PWWP3A: variants seen among roughly 807,000 people sequenced by gnomAD.
The protein encoded by PWWP3A is PWWP domain-containing DNA repair factor 3A.
In PWWP3A, 53 loss-of-function variants were observed where a neutral mutation model predicts 79.0. That is an observed-to-expected ratio of 0.67 (90% confidence interval 0.54 to 0.84). The LOEUF (loss-of-function observed/expected upper bound fraction) is 0.84. Among genes scored for constraint, PWWP3A ranks in the 40% least tolerant of loss-of-function variants. The pLI, the probability that PWWP3A is intolerant of heterozygous loss-of-function variation, is 0.00. For missense variants in PWWP3A, 973 were observed against 948.0 expected (o/e 1.03, Z -0.35); for synonymous variants, 443 against 394.4 (o/e 1.12, Z -1.46).
At position 1,377,646 on chromosome 19, in the gene PWWP3A, C is replaced by A. The variant is rs1187491571; in HGVS notation, c.*1070C>A. The A allele has an allele frequency of 6.6e-6, 1 of 152,364 alleles. No homozygotes were observed. The allele number at this position is 152,364 out of a possible 1,614,324, so 9.4% of individuals were successfully genotyped here. On this transcript the variant is annotated 3_prime_UTR_variant, in exon 14 of 14. Transcript: ENST00000591337. ...GCAGGGTCAGACGTGCTGTTAAGAG[C>A]AAAGCCACAGACGATGACTTGTCCA... is the stretch of plus-strand genomic sequence containing the variant.
At chr19:1,366,975 C>T (rs1313186148) in intron 8 of PWWP3A, among the ~76,000 whole-genome samples, 185 bp from the exon 9 acceptor site, 1 of 152,324 alleles carries the variant, frequency 6.6e-6, no homozygotes, top group East Asian at 1.9e-4. Context: ...TTGCTGAAGT[C>T]ACTGGACCCA....
chr19:1,361,134 A>G, intron 5 of PWWP3A, 102 bp downstream of exon 5: 3 of 1,209,864 alleles, frequency 2.5e-6, no homozygotes, highest in Non-Finnish European at 3.2e-6. Flanking sequence ...CCAGATTTTA[A>G]TGAGATCGTT....
intron 4 of PWWP3A, chr19:1,358,920 A>G (rs981386594): frequency 2.3e-5 from 8 of 354,302 alleles, no homozygotes; most frequent in African/African-American, 4.2e-5. Context: ...AAGGGAGAGA[A>G]CGGGTGGCCT....
At position 1,376,670 on chromosome 19, in the gene PWWP3A, G is replaced by T; in HGVS notation, c.*94G>T. ...TGAAGATGGGGGGCTCAGGGGGCAC[G>T]TTTGCGTTTGGACCTGTCTGTGCGT... On this transcript the variant is annotated 3_prime_UTR_variant, in exon 14 of 14. Transcript: ENST00000591337. 1.6e-6 allele frequency: 2 copies of T among 1,258,514 alleles called. No individual in the cohort carries two copies. The highest frequency in any genetic ancestry group is 2.3e-6 in the Non-Finnish European group (2 of 872,404). 78.0% of individuals were successfully genotyped at this position (1,258,514 alleles called of 1,614,324 possible).
intron 13 of PWWP3A, 161 bp downstream of exon 13, chr19:1,373,321 CCT>C (rs1225999671): frequency 1.6e-6 from 1 of 642,882 alleles, no homozygotes; most frequent in African/African-American, 1.8e-5. Context: ...CTGAACTCAC[CCT>C]GTGGGTCACT....
At chr19:1,359,061 C>T (rs996318629) in intron 4 of PWWP3A, 40 of 255,578 alleles carry the variant, frequency 1.6e-4, no homozygotes, top group African/African-American at 8.5e-4. Context: ...TAGCACCCAC[C>T]TCCTTTGCAC....
intron 13 of PWWP3A, among the ~76,000 whole-genome samples, chr19:1,376,291 G>GTTTTTTTTT (rs1350699607): frequency 3.7e-4 from 19 of 50,854 alleles, no homozygotes; most frequent in South Asian, 6.9e-4. Flanking sequence ...ACGCCCGGCT[G>GTTTTTTTTT]TTTGTTTTTT....
rs1251353514 is a variant in PWWP3A at position 1,368,785 on chromosome 19, G to A, written c.1423-480G>A. The stretch of plus-strand genomic sequence containing the variant: ...TCCAGGACTTGATGTCCTGTCATGT[G>A]GCACAGTGGCCACAGGGGAGGTGTT... On this transcript the variant is annotated intron_variant, in intron 9 of 13. Coordinates refer to ENST00000591337, the MANE Select transcript of PWWP3A (RefSeq NM_001369789.1). The surrounding 1 kb of genome is among the most constrained non-coding windows in gnomAD (Gnocchi z 4.7). Among the ~76,000 whole-genome samples the A allele has an allele frequency of 6.6e-6, 1 of 152,232 alleles. No individual in the cohort carries two copies. The highest frequency in any genetic ancestry group is 1.5e-5 in the Non-Finnish European group (1 of 68,046).
At chr19:1,356,167 C>G in intron 1 of PWWP3A, 157 bp from the exon 2 acceptor site, 187 of 503,074 alleles carry the variant, frequency 3.7e-4, no homozygotes, top group Middle Eastern at 1.1e-3. Context: ...TTCTGTTTGT[C>G]AGTCTGCTTT....
At chr19:1,376,291 GTTTGTTTTTTTT>G in intron 13 of PWWP3A, among the ~76,000 whole-genome samples, 1 of 50,860 alleles carries the variant, frequency 2.0e-5, no homozygotes, top group African/African-American at 7.4e-5. Flanking sequence ...ACGCCCGGCT[GTTTGTTTTTTTT>G]TTTGTTTGTT....
intron 5 of PWWP3A, chr19:1,361,935 C>T (rs1443141162): frequency 3.8e-5 from 10 of 264,356 alleles, no homozygotes; most frequent in African/African-American, 1.6e-4. Flanking sequence ...ACAGCCAGGC[C>T]GGGACAAAAG....
At chr19:1,358,343 T>C (rs373843198) in intron 3 of PWWP3A, 51 bp from the exon 4 acceptor site, 5 of 1,475,462 alleles carry the variant, frequency 3.4e-6, no homozygotes, top group African/African-American at 2.8e-5. Context: ...TGTTTGAAAA[T>C]GTCTTGGCGG....
At chr19:1,375,549 A>ATATATTATATAAAATATATAATTT (rs1568965438) in intron 13 of PWWP3A, among the ~76,000 whole-genome samples, 1 of 3,426 alleles carries the variant, frequency 2.9e-4, no homozygotes, top group Non-Finnish European at 5.6e-4. Context: ...TATATATAAA[A>ATATATTATATAAAATATATAATTT]TATATATTAT....
At chr19:1,358,280 G>A in intron 3 of PWWP3A, 114 bp from the exon 4 acceptor site, 1 of 996,406 alleles carries the variant, frequency 1.0e-6, no homozygotes, top group Non-Finnish European at 1.5e-6. Context: ...TGGTTTAAGT[G>A]GAAGGTTGAG....
intron 4 of PWWP3A, chr19:1,358,997 T>C (rs1267333212): frequency 1.3e-5 from 4 of 307,296 alleles, no homozygotes; most frequent in African/African-American, 2.2e-5. Flanking sequence ...AGGTCGGAAG[T>C]GGAGCTCTCG....
chr19:1,360,905 G>A lies in PWWP3A; in HGVS notation c.984G>A (p.Gly328=), dbSNP rs1234098986. The stretch of plus-strand genomic sequence containing the variant: ...CAGCAGGGGCCGCACCATCCCCCGG[G>A]CCGGGGCCAGGGCCCAGAGAGTCTG... ...PMAAGAAPSP[G]PGPGPRESVT... Residue 328 remains glycine, a synonymous_variant, in exon 5 of 14, where the codon GGG becomes GGA. Transcript: ENST00000591337. The surrounding 1 kb of genome is among the most constrained non-coding windows in gnomAD (Gnocchi z 4.4). 5.8e-6 allele frequency: 9 copies of A among 1,540,260 alleles called. No individual in the cohort carries two copies. The highest frequency in any genetic ancestry group is 7.0e-6 in the Non-Finnish European group (8 of 1,142,452).
At chr19:1,361,352 C>G (rs2082011418) in intron 5 of PWWP3A, among the ~76,000 whole-genome samples, 3 of 152,244 alleles carry the variant, frequency 2.0e-5, no homozygotes, top group Non-Finnish European at 4.4e-5. Context: ...GAGGCCGCAG[C>G]TGCGGCTGCA....
chr19:1,355,802 A>C (rs1287667531), intron 1 of PWWP3A, among the ~76,000 whole-genome samples: 2 of 148,758 alleles, frequency 1.3e-5, no homozygotes, highest in Non-Finnish European at 1.5e-5. Context: ...CCCACCCCCA[A>C]ACCTCCTTTT....
At chr19:1,367,371 T>TA (rs1418704725) in intron 9 of PWWP3A, 151 bp downstream of exon 9, 13 of 671,946 alleles carry the variant, frequency 1.9e-5, no homozygotes, top group South Asian at 3.8e-5. Context: ...CTCTGGCCGT[T>TA]AGAGTTAGAT....
Sources: gnomAD v4.1 joint callset for allele counts (sites outside exome capture counted in the v4.1 genomes callset) on GRCh38, gnomAD v4.1.1 for gene constraint, Gnocchi (gnomAD v3.1) non-coding constraint, MANE v1.5 for transcripts, NCBI Gene and HGNC (gene_info 2026-07-23, HGNC 2026-07-21) for gene names.